Variants in KIRREL2 observed in about 807,000 individuals in gnomAD.
KIRREL2 encodes kin of IRRE-like protein 2.
Under a neutral mutation model 73.4 loss-of-function variants are expected in KIRREL2, and 56 were observed. The ratio of observed to expected loss-of-function variants is 0.76; its 90% CI spans 0.62 to 0.95. The LOEUF (loss-of-function observed/expected upper bound fraction) is 0.95. Ranked by LOEUF, KIRREL2 falls within the 40% of genes least tolerant of loss-of-function variation. The probability of loss-of-function intolerance (pLI) is 0.00; values close to 1 mark genes in which losing one functional copy is unlikely to be tolerated. For missense variants in KIRREL2, 896 were observed against 935.0 expected (o/e 0.96, Z 0.54); for synonymous variants, 407 against 404.0 (o/e 1.01, Z -0.09).
intron 14 of KIRREL2, among the ~76,000 whole-genome samples, chr19:35,865,820 C>T (rs1160047454): frequency 6.6e-6 from 1 of 152,196 alleles, no homozygotes; most frequent in Non-Finnish European, 1.5e-5. Context: ...GTAGCAGCAA[C>T]ACAGGGTGTG....
upstream of KIRREL2, among the ~76,000 whole-genome samples, chr19:35,855,062 A>G (rs1163444040): frequency 1.3e-5 from 2 of 152,158 alleles, no homozygotes; most frequent in African/African-American, 4.8e-5. Flanking sequence ...GTTCCCAGGA[A>G]CAAGATGAGG....
In KIRREL2 at chr19:35,857,514, GC is replaced by G. The variant is rs1180779849; in HGVS notation, c.211+21del. On this transcript the variant is annotated intron_variant, in intron 2 of 14. Coordinates refer to ENST00000360202, the MANE Select transcript of KIRREL2 (RefSeq NM_199180.4). ...TACCAGGTAAGAGTGTTCTCTCCAC[GC>G]TGGGACGGGCTGGCTAGGGGGAGAG... 1.3e-6 allele frequency: 2 copies of G among 1,523,984 alleles called. No homozygotes were observed. The highest frequency in any genetic ancestry group is 2.8e-5 in the African/African-American group (2 of 71,510). The allele number at this position is 1,523,984 out of a possible 1,614,324, so 94.4% of individuals were successfully genotyped here. A position where few individuals can be genotyped will look rare whatever the true frequency, so the allele number is the denominator to read the frequency against.
At chr19:35,856,680 G>C, upstream of KIRREL2, 1 of 312,454 alleles carries the variant, frequency 3.2e-6, no homozygotes, top group Non-Finnish European at 6.1e-6. The surrounding 1 kb of genome is among the most constrained non-coding windows in gnomAD (Gnocchi z 5.9). Flanking sequence ...CCTCAACCCC[G>C]GCAGGGCGCA....
chr19:35,855,698 CACACACACAT>C (rs1211898794), upstream of KIRREL2, among the ~76,000 whole-genome samples: 1,668 of 141,796 alleles, frequency 0.012, 59 homozygotes, highest in East Asian at 0.099. Context: ...CACACACACA[CACACACACAT>C]ACACACAGGA....
Position 35,859,570 on chromosome 19 carries a change from C to G in KIRREL2, c.612C>G (p.Cys204Trp). 1 of 1,614,130 alleles carries G rather than the reference C, an allele frequency of 6.2e-7. No homozygotes were observed. Among genetic ancestry groups the G allele is most frequent in the Non-Finnish European group, 8.5e-7 (1 of 1,180,028 alleles). Reference sequence around the variant, plus strand: ...ATGATGATGGAGCCACCTTTGTCTGCCGGGCCCGGAGCCAGGCCCTGCCCA... The same window carrying G: ...ATGATGATGGAGCCACCTTTGTCTGGCGGGCCCGGAGCCAGGCCCTGCCCA... ...FSHDDGATFV[C>W]RARSQALPTG... is the part of the protein sequence containing the mutation. Residue 204 changes from cysteine (C) to tryptophan (W), a missense_variant, in exon 5 of 15, where the codon TGC becomes TGG. Physicochemically the swap from Cys to Trp is radical, Grantham distance 215. Coordinates refer to ENST00000360202, the MANE Select transcript of KIRREL2 (RefSeq NM_199180.4).
Position 35,860,673 on chromosome 19 carries a change from C to T in KIRREL2, c.928+6C>T, listed in dbSNP as rs759815720. 1.6e-5 allele frequency: 25 copies of T among 1,601,904 alleles called. No individual in the cohort carries two copies. The highest frequency in any genetic ancestry group is 1.9e-4 in the Middle Eastern group (1 of 5,134). ...TACTGCGCTGGATGTGCTGTGTGAGCTGGGGCCGGCCTGTGGGTGTGGTCA... is the reference window on the plus strand; with the variant it reads ...TACTGCGCTGGATGTGCTGTGTGAGTTGGGGCCGGCCTGTGGGTGTGGTCA... On this transcript the variant is annotated splice_donor_region_variant and intron_variant, in intron 7 of 14. Coordinates refer to ENST00000360202, the MANE Select transcript of KIRREL2 (RefSeq NM_199180.4).
upstream of KIRREL2, among the ~76,000 whole-genome samples, chr19:35,856,179 C>G (rs940960586): frequency 1.3e-5 from 2 of 152,206 alleles, no homozygotes; most frequent in Non-Finnish European, 2.9e-5. This position sits in a 1 kb window ranked among gnomAD's most constrained non-coding sequence, Gnocchi z 5.9. Flanking sequence ...CCCAGCTGGG[C>G]TGCATGGAGC....
At position 35,861,812 on chromosome 19, in the gene KIRREL2, C is replaced by T; in HGVS notation, c.1298C>T (p.Ser433Phe). ...CCTCTTTTGTGCCCCCAGGTCTGGTCTTGGGATGAGGGCTTCCTGGAGGCG... is the reference window on the plus strand; with the variant it reads ...CCTCTTTTGTGCCCCCAGGTCTGGTTTTGGGATGAGGGCTTCCTGGAGGCG... ...ASPAPDAVVW[S>F]WDEGFLEAGS... Residue 433 changes from serine (S) to phenylalanine (F), a missense_variant, in exon 11 of 15, where the codon TCT (serine) becomes TTT (phenylalanine). Transcript: ENST00000360202. 6.3e-7 allele frequency: 1 copy of T among 1,588,332 alleles called. No homozygotes were observed. The highest frequency in any genetic ancestry group is 8.6e-7 in the Non-Finnish European group (1 of 1,167,272).
intron 9 of KIRREL2, 111 bp downstream of exon 9, chr19:35,861,365 C>T (rs1410925178): frequency 2.5e-5 from 38 of 1,492,750 alleles, no homozygotes; most frequent in Non-Finnish European, 3.4e-5. Flanking sequence ...TTACACCCAG[C>T]GGGGGCTGGA....
upstream of KIRREL2, among the ~76,000 whole-genome samples, chr19:35,855,334 T>A (rs1026973873): frequency 2.6e-5 from 4 of 151,994 alleles, no homozygotes; most frequent in Non-Finnish European, 5.9e-5. Flanking sequence ...TTGGCTGTTT[T>A]CCTTCTCTGC....
chr19:35,857,180 G>A lies in KIRREL2; in HGVS notation c.61G>A (p.Gly21Ser), dbSNP rs1973456708. ...CCTCTTCTGCTTCAGAGGGAGAGCAGGTACCGCACGAGGGGAGCGGAGGAA... is the reference window on the plus strand; with the variant it reads ...CCTCTTCTGCTTCAGAGGGAGAGCAAGTACCGCACGAGGGGAGCGGAGGAA... ...VLLFCFRGRA[G>S]PSPHFLQQPE... Residue 21 changes from glycine to serine, a missense_variant and splice_region_variant, in exon 1 of 15, where the codon GGC becomes AGC. Transcript: ENST00000360202. The A allele has an allele frequency of 1.9e-6, 3 of 1,612,548 alleles. No homozygotes were observed. Among genetic ancestry groups the A allele is most frequent in the African/African-American group, 1.3e-5 (1 of 74,656 alleles).
At position 35,858,733 on chromosome 19, in the gene KIRREL2, G is replaced by A. The variant is rs573832555; in HGVS notation, c.391G>A (p.Gly131Ser). ...CCCAGAAGCCCCCCAGGTGCTGGGCGGCCCCTCTGTGTCTCTGGTTGCTGG... is the reference window on the plus strand; with the variant it reads ...CCCAGAAGCCCCCCAGGTGCTGGGCAGCCCCTCTGTGTCTCTGGTTGCTGG... Reference protein sequence around the residue: ...VPPEAPQVLGGPSVSLVAGVP... With the variant: ...VPPEAPQVLGSPSVSLVAGVP... The change falls in exon 4 of 15, where the codon GGC becomes AGC. Residue 131 changes from glycine to serine, a missense_variant. By Grantham distance (56) the Gly-to-Ser change is moderately conservative (BLOSUM62 0). Transcript: ENST00000360202. 1.1e-5 allele frequency: 17 copies of A among 1,614,138 alleles called. No homozygotes were observed. The highest frequency in any genetic ancestry group is 9.3e-5 in the African/African-American group (7 of 75,042).
chr19:35,853,837 ATTT>A (rs759219505), upstream of KIRREL2, among the ~76,000 whole-genome samples: 897 of 69,378 alleles, frequency 0.013, 16 homozygotes, highest in African/African-American at 0.056. Flanking sequence ...CACTCTGGCT[ATTT>A]TTTTTTTTTT....
chr19:35,854,352 A>G (rs1599852250), upstream of KIRREL2, among the ~76,000 whole-genome samples: 1 of 143,966 alleles, frequency 6.9e-6, no homozygotes, highest in East Asian at 2.1e-4. Flanking sequence ...ATGGAGTTTC[A>G]CTCTTGTTGC....
Position 35,857,405 on chromosome 19 carries a change from C to G in KIRREL2, c.122C>G (p.Ala41Gly). The G allele has an allele frequency of 6.2e-7, 1 of 1,612,984 alleles. No homozygotes were observed. The highest frequency in any genetic ancestry group is 8.5e-7 in the Non-Finnish European group (1 of 1,179,996). ...CTGGTGGTGCTGCTGGGGGAGGAAG[C>G]CCGGCTGCCGTGTGCTCTGGGCGCC... is the stretch of plus-strand genomic sequence containing the variant. ...EDLVVLLGEE[A>G]RLPCALGAYW... The change falls in exon 2 of 15, where the codon GCC (alanine) becomes GGC (glycine). Residue 41 changes from alanine to glycine, a missense_variant. Ala to Gly is a moderately conservative substitution (Grantham distance 60). Transcript: ENST00000360202.
Position 35,866,340 on chromosome 19 carries a change from G to T in KIRREL2, c.1975G>T (p.Ala659Ser), listed in dbSNP as rs199577709. 184 of 1,611,986 alleles carry T rather than the reference G, an allele frequency of 1.1e-4. No homozygotes were observed. The East Asian group carries it at 3.7e-3, about 32-fold the overall frequency. ...CCCCTGCAGACTTTACAGAGCCAGG[G>T]CAGGCTATCTCACCACACCCCACCC... ...VPPCRLYRAR[A>S]GYLTTPHPRA... The change falls in exon 15 of 15, where the codon GCA (alanine) becomes TCA (serine). Residue 659 changes from alanine (A) to serine (S), a missense_variant. Physicochemically the swap from Ala to Ser is moderately conservative, Grantham distance 99. Coordinates refer to ENST00000360202, the MANE Select transcript of KIRREL2 (RefSeq NM_199180.4).
upstream of KIRREL2, among the ~76,000 whole-genome samples, chr19:35,854,289 G>A (rs553613074): frequency 1.7e-4 from 26 of 152,118 alleles, no homozygotes; most frequent in South Asian, 5.4e-3. Flanking sequence ...ACCGCACCTG[G>A]CCCTTGATTT....
At position 35,860,965 on chromosome 19, in the gene KIRREL2, G is replaced by A. The variant is rs758688884; in HGVS notation, c.985G>A (p.Ala329Thr). ...CGTGTCCGTGGACGTGGGGGAAGAC[G>A]CTTCCTTCAGCTGCGCCTGGCGCGG... ...EPVSVDVGED[A>T]SFSCAWRGNP... is the part of the protein sequence containing the mutation. The change falls in exon 8 of 15, where the codon GCT (alanine) becomes ACT (threonine). Residue 329 changes from alanine (A) to threonine (T), a missense_variant. Physicochemically the swap from Ala to Thr is moderately conservative, Grantham distance 58. Transcript: ENST00000360202. 1.2e-6 allele frequency: 2 copies of A among 1,613,802 alleles called. No homozygotes were observed. Among genetic ancestry groups the A allele is most frequent in the African/African-American group, 1.3e-5 (1 of 75,058 alleles).
At chr19:35,851,451 C>T, upstream of KIRREL2, 1 of 1,613,312 alleles carries the variant, frequency 6.2e-7, no homozygotes, top group Non-Finnish European at 8.5e-7. Flanking sequence ...GGCTCTGATC[C>T]CTTACCTCTA....
Sources: gnomAD v4.1 joint callset for allele counts (sites outside exome capture counted in the v4.1 genomes callset) on GRCh38, gnomAD v4.1.1 for gene constraint, Gnocchi (gnomAD v3.1) non-coding constraint, MANE v1.5 for transcripts, NCBI Gene and HGNC (gene_info 2026-07-23, HGNC 2026-07-21) for gene names.